The following SVIL variants were observed in gnomAD, a reference collection of about 807,000 sequenced individuals.
SVIL encodes the protein archvillin.
Under a neutral mutation model 240.4 loss-of-function variants are expected in SVIL, and 101 were observed. The ratio of observed to expected loss-of-function variants is 0.42; its 90% CI spans 0.36 to 0.50. SVIL has a LOEUF of 0.50. SVIL is among the 20% of genes least tolerant of loss of function. The probability of loss-of-function intolerance (pLI) is 0.01; values close to 1 mark genes in which losing one functional copy is unlikely to be tolerated. For missense variants in SVIL, 2,512 were observed against 2,818.7 expected, an observed-to-expected ratio of 0.89 and a Z score of 2.46; for synonymous variants, 999 against 1,100.0, an observed-to-expected ratio of 0.91 and a Z score of 1.82.
chr10:29,479,441 C>T (rs1480945688), intron 29 of SVIL, among the ~76,000 whole-genome samples: 1 of 152,208 alleles, frequency 6.6e-6, no homozygotes, highest in African/African-American at 2.4e-5. Context: ...AGTAAAGCCC[C>T]CAGCATCGTG....
intron 1 of SVIL, among the ~76,000 whole-genome samples, chr10:29,623,577 G>A (rs549675277): frequency 1.4e-4 from 21 of 152,282 alleles, no homozygotes; most frequent in African/African-American, 4.1e-4. Context: ...CCAGGCAGGC[G>A]CGGAGGCTCA....
At chr10:29,669,887 G>C (rs1324622088) in intron 2 of SVIL, among the ~76,000 whole-genome samples, 1 of 152,176 alleles carries the variant, frequency 6.6e-6, no homozygotes, top group South Asian at 2.1e-4. Flanking sequence ...GCTGAGATGA[G>C]AGGATCACTT....
At chr10:29,597,540 C>T (rs1234565435) in intron 1 of SVIL, among the ~76,000 whole-genome samples, 8 of 152,132 alleles carry the variant, frequency 5.3e-5, no homozygotes, top group African/African-American at 1.9e-4. Context: ...GCTGGGATTA[C>T]AGGTGCCCAC....
At chr10:29,646,624 C>T (rs138437841) in intron 3 of SVIL, among the ~76,000 whole-genome samples, 2 of 152,214 alleles carry the variant, frequency 1.3e-5, no homozygotes, top group Non-Finnish European at 2.9e-5. Context: ...TCAAATCCCT[C>T]GTGGGCAGTC....
intron 6 of SVIL, among the ~76,000 whole-genome samples, chr10:29,538,789 A>G (rs1317407658): frequency 6.6e-6 from 1 of 152,194 alleles, no homozygotes; most frequent in African/African-American, 2.4e-5. Context: ...AATATTTTCA[A>G]CTTATGATGG....
intron 1 of SVIL, among the ~76,000 whole-genome samples, chr10:29,732,754 A>G (rs1589598452): frequency 6.6e-6 from 1 of 152,288 alleles, no homozygotes; most frequent in South Asian, 2.1e-4. Flanking sequence ...GGCCAGCACC[A>G]TTTTCACAGA....
At chr10:29,540,432 A>G (rs1010805127) in intron 6 of SVIL, among the ~76,000 whole-genome samples, 2 of 152,222 alleles carry the variant, frequency 1.3e-5, no homozygotes, top group African/African-American at 4.8e-5. Context: ...TAATCTCCAC[A>G]GCAACTCTAA....
chr10:29,646,108 C>T (rs949126152), intron 3 of SVIL, among the ~76,000 whole-genome samples: 7 of 152,042 alleles, frequency 4.6e-5, no homozygotes, highest in African/African-American at 1.2e-4. Flanking sequence ...ATTAAGTGCT[C>T]GATAAATATT....
intron 2 of SVIL, among the ~76,000 whole-genome samples, chr10:29,676,984 T>C (rs1378148352): frequency 6.6e-6 from 1 of 152,164 alleles, no homozygotes; most frequent in Non-Finnish European, 1.5e-5. Flanking sequence ...CATTTCTAAA[T>C]AAAGGATGAC....
intron 13 of SVIL, among the ~76,000 whole-genome samples, chr10:29,525,025 T>C (rs1950807038): frequency 6.6e-6 from 1 of 152,172 alleles, no homozygotes; most frequent in Admixed American, 6.5e-5. Flanking sequence ...GCGGCATTGT[T>C]AGTATCGTAA....
At chr10:29,695,921 GTCTCCCTCTCCC>G (rs1159014662) in intron 1 of SVIL, among the ~76,000 whole-genome samples, 3 of 56,056 alleles carry the variant, frequency 5.4e-5, no homozygotes, top group African/African-American at 1.1e-4. Flanking sequence ...TCCCTCTCCC[GTCTCCCTCTCCC>G]TCTCCCTCTC....
At chr10:29,568,278 T>C (rs74778353) in intron 2 of SVIL, among the ~76,000 whole-genome samples, 12,620 of 151,624 alleles carry the variant, frequency 0.083, 601 homozygotes, top group Admixed American at 0.13. Flanking sequence ...CAAGGATTTG[T>C]CCCATCCAGG....
At chr10:29,656,647 A>T (rs1488401454) in intron 3 of SVIL, among the ~76,000 whole-genome samples, 1 of 152,210 alleles carries the variant, frequency 6.6e-6, no homozygotes, top group East Asian at 1.9e-4. Flanking sequence ...CTGATTCAAC[A>T]TGATTGCTTC....
Position 29,615,575 on chromosome 10 carries a change from T to G in SVIL, c.-201+18845A>C, listed in dbSNP as rs144498051. Among the ~76,000 whole-genome samples the G allele has an allele frequency of 2.2e-3, 333 of 152,322 alleles. 1 individual carries two copies. Among genetic ancestry groups the G allele is most frequent in the African/African-American group, 7.7e-3 (321 of 41,570 alleles). ...TCCTTCTGGAGAAGGTTTGAATGAATCAGAAGTGTCACAAAGCAAATTTTC... is the reference window on the plus strand; with the variant it reads ...TCCTTCTGGAGAAGGTTTGAATGAAGCAGAAGTGTCACAAAGCAAATTTTC... On this transcript the variant is annotated intron_variant, in intron 1 of 37. Transcript: ENST00000355867.
chr10:29,584,312 C>T (rs562092016), intron 1 of SVIL, among the ~76,000 whole-genome samples: 2 of 152,124 alleles, frequency 1.3e-5, no homozygotes, highest in Non-Finnish European at 2.9e-5. Context: ...TGTATGGCAG[C>T]GGCACCTGCA....
At chr10:29,666,422 C>A (rs183674966) in intron 2 of SVIL, among the ~76,000 whole-genome samples, 3 of 152,188 alleles carry the variant, frequency 2.0e-5, no homozygotes, top group Non-Finnish European at 4.4e-5. Context: ...CTGCAAAAGT[C>A]CCAACATAGT....
At chr10:29,604,363 CTTTTTTTTTTTTTT>C (rs71525560) in intron 1 of SVIL, among the ~76,000 whole-genome samples, 7 of 38,404 alleles carry the variant, frequency 1.8e-4, no homozygotes, top group Non-Finnish European at 4.0e-4. Context: ...CCATGTCTGG[CTTTTTTTTTTTTTT>C]TTTTTTTTTT....
chr10:29,680,685 G>A (rs1006080731), intron 2 of SVIL, among the ~76,000 whole-genome samples: 1 of 152,192 alleles, frequency 6.6e-6, no homozygotes, highest in African/African-American at 2.4e-5. Flanking sequence ...TTGGGAGGCC[G>A]AGGCGGGTGG....
At chr10:29,471,078 A>C in intron 31 of SVIL, 60 bp downstream of exon 31, 1 of 1,474,580 alleles carries the variant, frequency 6.8e-7, no homozygotes, top group Non-Finnish European at 9.3e-7. Context: ...CCCAGCTTAT[A>C]AAAATTCTTT....
Sources: allele counts gnomAD v4.1 joint callset (sites outside exome capture counted in the v4.1 genomes callset), GRCh38; gene constraint gnomAD v4.1.1; transcripts MANE v1.5; gene names NCBI Gene and HGNC (gene_info 2026-07-23, HGNC 2026-07-21).